Variants in LTBP1 observed in about 807,000 individuals in gnomAD.
The protein encoded by LTBP1 is latent-transforming growth factor beta-binding protein 1.
LTBP1 carries 129 observed loss-of-function variants against 207.6 expected under a neutral mutation model. The ratio of observed to expected loss-of-function variants is 0.62; its 90% CI spans 0.54 to 0.72. The LOEUF is 0.72. LTBP1 is among the 30% of genes least tolerant of loss of function. LTBP1 has a pLI of 0.00. For synonymous variants in LTBP1, 963 were observed against 833.7 expected (o/e 1.16, Z -2.67); for missense variants, 2,281 against 2,217.2 (o/e 1.03, Z -0.58).
intron 5 of LTBP1, among the ~76,000 whole-genome samples, chr2:33,155,530 A>G (rs1214720848): frequency 6.6e-6 from 1 of 151,932 alleles, no homozygotes; most frequent in African/African-American, 2.4e-5. Flanking sequence ...CTTTGTTTTG[A>G]GGGTTTGTCC....
intron 32 of LTBP1, 104 bp downstream of exon 32, chr2:33,389,410 T>C: frequency 6.7e-7 from 1 of 1,484,546 alleles, no homozygotes; most frequent in Non-Finnish European, 9.2e-7. Context: ...GCATTTCTGG[T>C]CCCACCCCAG....
intron 7 of LTBP1, 82 bp from the exon 8 acceptor site, chr2:33,217,470 G>A (rs1273826973): frequency 2.7e-5 from 23 of 864,616 alleles, no homozygotes; most frequent in African/African-American, 6.6e-5. Flanking sequence ...GGTTTATAGC[G>A]TGGCTGTGAG....
chr2:33,225,795 CT>C (rs373889389), intron 9 of LTBP1, among the ~76,000 whole-genome samples: 1,725 of 152,126 alleles, frequency 0.011, 11 homozygotes, highest in Middle Eastern at 0.054. Flanking sequence ...GTGAGATCAA[CT>C]TTTTTTTGCT....
chr2:32,999,352 T>C (rs1685753938), intron 2 of LTBP1, among the ~76,000 whole-genome samples: 1 of 152,164 alleles, frequency 6.6e-6, no homozygotes, highest in Admixed American at 6.6e-5. Context: ...CTTGCCTCCA[T>C]CCAAGGTGAT....
intron 15 of LTBP1, among the ~76,000 whole-genome samples, chr2:33,267,364 C>G (rs907686253): frequency 6.6e-6 from 1 of 152,050 alleles, no homozygotes; most frequent in Admixed American, 6.5e-5. Flanking sequence ...AAAACTTGGG[C>G]AAAGATGCCA....
chr2:33,337,385 G>A (rs2094565232), intron 24 of LTBP1, among the ~76,000 whole-genome samples: 1 of 152,140 alleles, frequency 6.6e-6, no homozygotes, highest in South Asian at 2.1e-4. Context: ...TGAGCCACTG[G>A]TAGTTCCCGT....
chr2:33,259,350 C>G (rs2092949724), intron 12 of LTBP1, among the ~76,000 whole-genome samples: 1 of 152,204 alleles, frequency 6.6e-6, no homozygotes, highest in Non-Finnish European at 1.5e-5. Flanking sequence ...GTTTGAAAGA[C>G]TTGTTCACAT....
intron 3 of LTBP1, among the ~76,000 whole-genome samples, chr2:33,025,379 G>A (rs575293016): frequency 3.2e-4 from 48 of 152,106 alleles, no homozygotes; most frequent in Non-Finnish European, 4.9e-4. Context: ...AGCTCTAAAG[G>A]TTGCTTGAAA....
chr2:32,979,115 T>G (rs1682343148), intron 2 of LTBP1, among the ~76,000 whole-genome samples: 1 of 151,700 alleles, frequency 6.6e-6, no homozygotes, highest in African/African-American at 2.4e-5. Context: ...AGAGATTTAT[T>G]GATTTTGTTT....
chr2:33,342,728 A>G (rs1473988723), intron 24 of LTBP1, 110 bp from the exon 25 acceptor site: 1 of 985,378 alleles, frequency 1.0e-6, no homozygotes. Context: ...TGTTCATCTC[A>G]TCATCACACA....
chr2:33,081,157 T>G, intron 3 of LTBP1, among the ~76,000 whole-genome samples: 1 of 152,088 alleles, frequency 6.6e-6, no homozygotes, highest in Non-Finnish European at 1.5e-5. Flanking sequence ...TTCTTCTTGG[T>G]GTCTCAGTGT....
chr2:33,260,091 A>G (rs2092969889), intron 13 of LTBP1, among the ~76,000 whole-genome samples: 1 of 152,196 alleles, frequency 6.6e-6, no homozygotes, highest in South Asian at 2.1e-4. Flanking sequence ...TAAAAGTTAC[A>G]ATCAAATACT....
chr2:33,382,074 C>CTTTTTTTT lies in LTBP1; in HGVS notation c.4712-7079_4712-7072dup, dbSNP rs70938398. On this transcript the variant is annotated intron_variant, in intron 31 of 33. Transcript: ENST00000404816. ...TACAGCAGTTAGCGCCCTACTGCTT[C>CTTTTTTTT]TTTTTTTTTTTTTTTTTTTTTTTTT... Among the ~76,000 whole-genome samples the CTTTTTTTT allele has an allele frequency of 4.7e-3, 220 of 46,782 alleles. 89 individuals are homozygous for CTTTTTTTT. Among genetic ancestry groups the CTTTTTTTT allele is most frequent in the Non-Finnish European group, 6.4e-3 (160 of 24,954 alleles). 30.7% of individuals were successfully genotyped at this position (46,782 alleles called of 152,430 possible). A position where few individuals can be genotyped will look rare whatever the true frequency, so the allele number is the denominator to read the frequency against.
chr2:33,314,957 T>G (rs1331955202), intron 23 of LTBP1, among the ~76,000 whole-genome samples, 187 bp from the exon 24 acceptor site: 1 of 152,214 alleles, frequency 6.6e-6, no homozygotes, highest in African/African-American at 2.4e-5. Context: ...ATTTCCTAAC[T>G]CAACCTAAAT....
chr2:33,328,427 A>G (rs2094455894), intron 24 of LTBP1, among the ~76,000 whole-genome samples: 1 of 152,236 alleles, frequency 6.6e-6, no homozygotes, highest in South Asian at 2.1e-4. Context: ...AGACTGAGTA[A>G]TTTATAAAGG....
At chr2:33,211,986 C>G (rs907154474) in intron 7 of LTBP1, among the ~76,000 whole-genome samples, 3 of 152,170 alleles carry the variant, frequency 2.0e-5, no homozygotes, top group African/African-American at 7.2e-5. Context: ...TGTTCCCAGT[C>G]AGGCCAAGAT....
At chr2:33,051,145 G>A (rs2076718568) in intron 3 of LTBP1, among the ~76,000 whole-genome samples, 1 of 152,188 alleles carries the variant, frequency 6.6e-6, no homozygotes, top group Non-Finnish European at 1.5e-5. Flanking sequence ...CGCCCGTTGT[G>A]GTGGCTTGTG....
chr2:33,123,280 G>T (rs2081253752), intron 4 of LTBP1, among the ~76,000 whole-genome samples: 1 of 152,194 alleles, frequency 6.6e-6, no homozygotes, highest in East Asian at 1.9e-4. Flanking sequence ...AGGTCTGGGG[G>T]ATTCTTGCCC....
intron 9 of LTBP1, among the ~76,000 whole-genome samples, chr2:33,228,849 G>A (rs1040247393): frequency 5.3e-5 from 8 of 151,224 alleles, no homozygotes; most frequent in South Asian, 2.1e-4. Flanking sequence ...ACAAGCACAC[G>A]CCACCACACC....
Sources: gnomAD v4.1 joint callset for allele counts (sites outside exome capture counted in the v4.1 genomes callset) on GRCh38, gnomAD v4.1.1 for gene constraint, MANE v1.5 for transcripts, NCBI Gene and HGNC (gene_info 2026-07-23, HGNC 2026-07-21) for gene names.